The following PRDM10 variants were observed in gnomAD, a reference collection of about 807,000 sequenced individuals.
PRDM10 encodes the protein PR domain zinc finger protein 10.
In PRDM10, 65 loss-of-function variants were observed where a neutral mutation model predicts 133.1. That is an observed-to-expected ratio of 0.49 (90% confidence interval 0.40 to 0.60). The LOEUF is 0.60. Ranked by LOEUF, PRDM10 falls within the 20% of genes least tolerant of loss-of-function variation. PRDM10 has a pLI of 0.00. For missense variants in PRDM10, 1,137 were observed against 1,507.1 expected (o/e 0.75, Z 4.07); for synonymous variants, 582 against 580.4 (o/e 1.00, Z -0.04).
At chr11:129,970,620 C>A (rs1253898007) in intron 1 of PRDM10, among the ~76,000 whole-genome samples, 1 of 151,796 alleles carries the variant, frequency 6.6e-6, no homozygotes, top group Non-Finnish European at 1.5e-5. Context: ...TCTCAGCTCA[C>A]TGCAACCTCC....
intron 1 of PRDM10, among the ~76,000 whole-genome samples, chr11:129,976,646 A>T (rs1026651632): frequency 4.6e-5 from 7 of 152,198 alleles, no homozygotes; most frequent in Non-Finnish European, 1.0e-4. Flanking sequence ...GACCAAGAAG[A>T]ATGAAAATAA....
At chr11:129,946,728 A>T (rs1274268457) in intron 5 of PRDM10, among the ~76,000 whole-genome samples, 2 of 152,208 alleles carry the variant, frequency 1.3e-5, no homozygotes, top group Non-Finnish European at 2.9e-5. Context: ...CTGGGATAGA[A>T]CAGCATTCTT....
intron 2 of PRDM10, among the ~76,000 whole-genome samples, chr11:129,958,510 G>C (rs546547561): frequency 6.6e-6 from 1 of 152,076 alleles, no homozygotes. Flanking sequence ...TGGGCATGGT[G>C]GGGGGCGCCT....
intron 1 of PRDM10, among the ~76,000 whole-genome samples, chr11:129,983,298 CTTTT>C (rs71473897): frequency 1.5e-5 from 2 of 135,282 alleles, no homozygotes; most frequent in Non-Finnish European, 1.6e-5. Context: ...TTTATTTCTC[CTTTT>C]TTTTTTTTTT....
At position 129,951,183 on chromosome 11, in the gene PRDM10, T is replaced by C. The variant is rs1049349554; in HGVS notation, c.295-3813A>G. On this transcript the variant is annotated intron_variant, in intron 4 of 20. Transcript: ENST00000360871. ...AAATTTAATGAACCACAAATTCAAATTCAGCTGGTGTTTACTGAGTGCTAG... is the reference window on the plus strand; with the variant it reads ...AAATTTAATGAACCACAAATTCAAACTCAGCTGGTGTTTACTGAGTGCTAG... Among the ~76,000 whole-genome samples the C allele has an allele frequency of 2.2e-4, 34 of 152,208 alleles. 1 individual carries two copies. The highest frequency in any genetic ancestry group is 7.2e-4 in the African/African-American group (30 of 41,462).
At chr11:129,979,901 C>A (rs1286072226) in intron 1 of PRDM10, among the ~76,000 whole-genome samples, 3 of 152,250 alleles carry the variant, frequency 2.0e-5, no homozygotes, top group Admixed American at 1.3e-4. Flanking sequence ...CCCTTCCGAC[C>A]TTCAGTTCCT....
rs1951454328 is a variant in PRDM10 at position 129,947,373 on chromosome 11, G to C, written c.295-3C>G. 6.2e-7 allele frequency: 1 copy of C among 1,614,062 alleles called. No individual in the cohort carries two copies. Among genetic ancestry groups the C allele is most frequent in the Admixed American group, 1.7e-5 (1 of 60,008 alleles). ...TGGTTATGAACTGGCAATGAGGCCT[G>C]GGCAAAAGTTGAAGGCACAGAGTAA... On this transcript the variant is annotated splice_region_variant and splice_polypyrimidine_tract_variant and intron_variant, in intron 4 of 20. Coordinates refer to ENST00000360871, the MANE Select transcript of PRDM10 (RefSeq NM_199437.2). The surrounding 1 kb of genome is among the most constrained non-coding windows in gnomAD (Gnocchi z 4.6).
At chr11:129,937,444 C>T (rs1041097736) in intron 8 of PRDM10, among the ~76,000 whole-genome samples, 154 bp downstream of exon 8, 1 of 151,816 alleles carries the variant, frequency 6.6e-6, no homozygotes, top group Non-Finnish European at 1.5e-5. Context: ...TGTAGTTTGA[C>T]ACTGAATTAG....
chr11:129,949,787 A>G (rs1455607333), intron 4 of PRDM10, among the ~76,000 whole-genome samples: 3 of 151,536 alleles, frequency 2.0e-5, no homozygotes, highest in African/African-American at 7.3e-5. Context: ...AAAAAAAAGT[A>G]GCTGGGCATG....
At chr11:129,905,912 G>C (rs1206643432) in intron 19 of PRDM10, among the ~76,000 whole-genome samples, 171 bp from the exon 20 acceptor site, 1 of 152,176 alleles carries the variant, frequency 6.6e-6, no homozygotes, top group African/African-American at 2.4e-5. Flanking sequence ...ATTGAGAAGA[G>C]CCTGGTACGC....
intron 1 of PRDM10, among the ~76,000 whole-genome samples, chr11:130,000,085 C>T (rs2136015384): frequency 6.7e-6 from 1 of 149,598 alleles, no homozygotes; most frequent in Non-Finnish European, 1.5e-5. Flanking sequence ...CTCTTGTTGC[C>T]CAGGCTGGAG....
intron 19 of PRDM10, among the ~76,000 whole-genome samples, chr11:129,908,371 G>T (rs935506827): frequency 4.9e-5 from 7 of 143,834 alleles, no homozygotes; most frequent in African/African-American, 1.8e-4. Context: ...CACTTGGGGA[G>T]GTCAAAGTGG....
At chr11:129,995,711 C>T (rs557081348) in intron 1 of PRDM10, among the ~76,000 whole-genome samples, 13 of 152,134 alleles carry the variant, frequency 8.5e-5, no homozygotes, top group African/African-American at 2.9e-4. Flanking sequence ...TTTGGGAGGC[C>T]GAGGCAGGCC....
intron 20 of PRDM10, among the ~76,000 whole-genome samples, chr11:129,903,003 A>T (rs1949889766): frequency 6.6e-6 from 1 of 152,150 alleles, no homozygotes; most frequent in Non-Finnish European, 1.5e-5. Context: ...TTAAAAAAAT[A>T]ATAAATGGAG....
chr11:129,977,301 T>C (rs1022893063), intron 1 of PRDM10, among the ~76,000 whole-genome samples: 41 of 113,780 alleles, frequency 3.6e-4, no homozygotes, highest in African/African-American at 1.2e-3. Context: ...CACACACACA[T>C]TGAGATGCAG....
intron 13 of PRDM10, among the ~76,000 whole-genome samples, chr11:129,922,011 C>G (rs938063172): frequency 6.6e-6 from 1 of 152,126 alleles, no homozygotes; most frequent in African/African-American, 2.4e-5. Flanking sequence ...CCACCCAGAC[C>G]AGTACTTCTG....
Position 129,914,854 on chromosome 11 carries a change from T to C in PRDM10, c.2691A>G (p.Gln897=), listed in dbSNP as rs769670890. Residue 897 remains glutamine (Q), a synonymous_variant, in exon 17 of 21, where the codon CAA becomes CAG. Transcript: ENST00000360871. The part of the protein sequence containing the change: ...ETVVTTDLLT[Q]AMTELSQTLT... ...AGGTCTGGGACAGTTCTGTCATTGC[T>C]TGGGTGAGCAGGTCCGTCGTCACCA... 6.2e-7 allele frequency: 1 copy of C among 1,614,126 alleles called. No individual in the cohort carries two copies.
chr11:129,909,883 A>G (rs774570172), intron 19 of PRDM10, among the ~76,000 whole-genome samples: 1 of 152,124 alleles, frequency 6.6e-6, no homozygotes, highest in African/African-American at 2.4e-5. Context: ...TAGAGTGGAC[A>G]CTCTGAAGCC....
intron 20 of PRDM10, 59 bp from the exon 21 acceptor site, chr11:129,902,575 A>G (rs1949875989): frequency 2.6e-6 from 4 of 1,560,282 alleles, no homozygotes; most frequent in Non-Finnish European, 3.5e-6. Flanking sequence ...GGGTGAAGCT[A>G]CTGGGGAAGG....
Sources: allele counts gnomAD v4.1 joint callset (sites outside exome capture counted in the v4.1 genomes callset), GRCh38; gene constraint gnomAD v4.1.1; non-coding constraint Gnocchi (gnomAD v3.1); transcripts MANE v1.5; gene names NCBI Gene and HGNC (gene_info 2026-07-23, HGNC 2026-07-21).